The following PDE1A variants were observed in gnomAD, a reference collection of about 807,000 sequenced individuals.
PDE1A encodes the protein phosphodiesterase 1A.
A neutral mutation model predicts 61.7 loss-of-function variants in PDE1A; 35 were observed. That is an observed-to-expected ratio of 0.57 (90% CI 0.43 to 0.75). The LOEUF (loss-of-function observed/expected upper bound fraction) is 0.75. Among genes scored for constraint, PDE1A ranks in the 30% least tolerant of loss-of-function variants. The pLI is 0.00. For missense variants in PDE1A, 597 were observed against 630.6 expected, an observed-to-expected ratio of 0.95 and a Z score of 0.57; for synonymous variants, 232 against 213.2, an observed-to-expected ratio of 1.09 and a Z score of -0.77.
the PDE1A span, among the ~76,000 whole-genome samples, chr2:182,634,020 G>C: frequency 5.9e-5 from 9 of 151,870 alleles, no homozygotes; most frequent in African/African-American, 2.2e-4. Context: ...ACCTAAGAGG[G>C]AGAGGTTGCA....
chr2:182,473,021 T>C lies in PDE1A; in HGVS notation c.101+49255A>G, dbSNP rs1687133662. 2.0e-5 allele frequency among the ~76,000 whole-genome samples: 3 copies of C among 151,754 alleles called. No homozygotes were observed. In the Admixed American group the frequency reaches 2.0e-4, roughly 10 times the overall value. On this transcript the variant is annotated intron_variant, in intron 2 of 14. Coordinates refer to the PDE1A transcript ENST00000410103. ...TACATGTGCACAATGTGCAAGTTAGTTACATATGTATACATGTGCCATGCT... is the reference window on the plus strand; with the variant it reads ...TACATGTGCACAATGTGCAAGTTAGCTACATATGTATACATGTGCCATGCT...
At chr2:182,445,120 T>A (rs1340769866) in intron 2 of PDE1A, among the ~76,000 whole-genome samples, 1 of 152,156 alleles carries the variant, frequency 6.6e-6, no homozygotes, top group Non-Finnish European at 1.5e-5. Context: ...GGAAAGTGAT[T>A]GATCATATTT....
chr2:182,179,641 C>T (rs560338228), intron 13 of PDE1A, among the ~76,000 whole-genome samples: 8 of 152,134 alleles, frequency 5.3e-5, no homozygotes, highest in Admixed American at 2.0e-4. Flanking sequence ...CTACCTCTCT[C>T]CTTCCTTCTT....
At chr2:182,470,119 G>A (rs1015331075) in intron 2 of PDE1A, among the ~76,000 whole-genome samples, 4 of 151,802 alleles carry the variant, frequency 2.6e-5, no homozygotes, top group Non-Finnish European at 5.9e-5. Flanking sequence ...TGGTAGACTT[G>A]GTCAACAGAG....
chr2:182,658,047 TAAAAAA>T, the PDE1A span, among the ~76,000 whole-genome samples: 2 of 66,672 alleles, frequency 3.0e-5, no homozygotes, highest in East Asian at 4.5e-4. Flanking sequence ...AGCTTCTCAG[TAAAAAA>T]AAAAAAAAAA....
At chr2:182,208,150 T>C (rs1687269771) in intron 7 of PDE1A, among the ~76,000 whole-genome samples, 1 of 152,070 alleles carries the variant, frequency 6.6e-6, no homozygotes, top group African/African-American at 2.4e-5. Flanking sequence ...CACTGCCTAG[T>C]GGGGCTGTGA....
chr2:182,203,543 G>A (rs551839880), intron 8 of PDE1A, among the ~76,000 whole-genome samples: 71 of 152,200 alleles, frequency 4.7e-4, no homozygotes, highest in African/African-American at 1.7e-3. Flanking sequence ...AACTGAATAA[G>A]AACATTTATG....
At chr2:182,525,698 T>C (rs1421854157), upstream of PDE1A, among the ~76,000 whole-genome samples, 2 of 151,950 alleles carry the variant, frequency 1.3e-5, no homozygotes, top group Non-Finnish European at 2.9e-5. Flanking sequence ...CTCTTTTCTT[T>C]ATAAGTTACC....
At chr2:182,154,136 C>A (rs1295493017) in intron 13 of PDE1A, among the ~76,000 whole-genome samples, 6 of 152,096 alleles carry the variant, frequency 3.9e-5, no homozygotes, top group Admixed American at 1.3e-4. Context: ...ATTGAGTTTT[C>A]TTTGTAAAGC....
At chr2:182,428,855 T>C (rs541737982), upstream of PDE1A, among the ~76,000 whole-genome samples, 2 of 152,236 alleles carry the variant, frequency 1.3e-5, no homozygotes, top group South Asian at 4.1e-4. Context: ...TGTCTTCTTT[T>C]GAATTGGAAA....
rs940082905 is a variant in PDE1A at position 182,286,376 on chromosome 2, T to C, written c.54-21962A>G. On this transcript the variant is annotated intron_variant, in intron 1 of 13. Transcript: ENST00000351439. ...TTTTATCTCCTGTATATGTTATCTG[T>C]TCATCACCTTTCCTTCATCATTACA... Among the ~76,000 whole-genome samples the C allele has an allele frequency of 2.0e-5, 3 of 152,162 alleles. No homozygotes were observed. The East Asian group carries it at 5.8e-4, about 29-fold the overall frequency.
chr2:182,354,879 G>A (rs1699086704), intron 1 of PDE1A, among the ~76,000 whole-genome samples: 1 of 151,994 alleles, frequency 6.6e-6, no homozygotes, highest in Non-Finnish European at 1.5e-5. Flanking sequence ...TGACTTTGGG[G>A]TAAGGGTACT....
In PDE1A at chr2:182,155,659, C is replaced by G. The variant is rs192328863; in HGVS notation, c.1517-8507G>C. 3.4e-3 allele frequency among the ~76,000 whole-genome samples: 525 copies of G among 152,198 alleles called. 21 individuals carry two copies. The highest frequency in any genetic ancestry group is 0.031 in the Admixed American group (477 of 15,286). On this transcript the variant is annotated intron_variant, in intron 13 of 13. Transcript: ENST00000409365. Reference sequence around the variant, plus strand: ...AATCCCAGAACTTTGGGAGGCAGAGCCTGGTGGATCACCTGAGGCCGGGAG... The same window carrying G: ...AATCCCAGAACTTTGGGAGGCAGAGGCTGGTGGATCACCTGAGGCCGGGAG...
chr2:182,187,737 C>CTTTTTTTTTTTTTTTTTTTTTTTTTTTT (rs1038970569), intron 11 of PDE1A, among the ~76,000 whole-genome samples: 6 of 66,384 alleles, frequency 9.0e-5, no homozygotes, highest in Non-Finnish European at 1.3e-4. Flanking sequence ...TTTTTTTGTT[C>CTTTTTTTTTTTTTTTTTTTTTTTTTTTT]TTTTTTTTTT....
the PDE1A span, among the ~76,000 whole-genome samples, chr2:182,632,779 C>T: frequency 8.4e-3 from 1,279 of 152,174 alleles, 10 homozygotes; most frequent in South Asian, 0.025. Flanking sequence ...GTTTACTTAG[C>T]CCCCCACAAT....
At chr2:182,404,130 A>C (rs972843181) in intron 1 of PDE1A, among the ~76,000 whole-genome samples, 2 of 151,732 alleles carry the variant, frequency 1.3e-5, no homozygotes, top group Non-Finnish European at 2.9e-5. Flanking sequence ...TAAGCCATGA[A>C]GAAATTCTAT....
intron 2 of PDE1A, among the ~76,000 whole-genome samples, chr2:182,450,199 T>A (rs1685418943): frequency 6.6e-6 from 1 of 152,048 alleles, no homozygotes; most frequent in South Asian, 2.1e-4. Context: ...TTCTCTTTTA[T>A]TCAATACCAA....
At chr2:182,397,460 T>C (rs1701771835) in intron 1 of PDE1A, among the ~76,000 whole-genome samples, 1 of 152,156 alleles carries the variant, frequency 6.6e-6, no homozygotes, top group Non-Finnish European at 1.5e-5. Context: ...AATCAGAATT[T>C]AAAAATGGTA....
At chr2:182,702,137 T>C in the PDE1A span, among the ~76,000 whole-genome samples, 270 of 152,318 alleles carry the variant, frequency 1.8e-3, 2 homozygotes, top group African/African-American at 6.2e-3. Context: ...GGAGTCTCAC[T>C]CTGTCGCCCA....
Sources: allele counts gnomAD v4.1 joint callset (sites outside exome capture counted in the v4.1 genomes callset), GRCh38; gene constraint gnomAD v4.1.1; transcripts MANE v1.5; gene names NCBI Gene and HGNC (gene_info 2026-07-23, HGNC 2026-07-21).